The following SUPT16H variants were observed in gnomAD, a reference collection of about 807,000 sequenced individuals.
SUPT16H encodes FACT complex subunit SPT16.
Under a neutral mutation model 136.2 loss-of-function variants are expected in SUPT16H, and 24 were observed. That is an observed-to-expected ratio of 0.18 (90% CI 0.13 to 0.25). The LOEUF (loss-of-function observed/expected upper bound fraction) is 0.25. SUPT16H is among the 10% of genes least tolerant of loss of function. The pLI is 1.00. For missense variants in SUPT16H, 623 were observed against 1,270.2 expected (o/e 0.49, Z 7.74); for synonymous variants, 415 against 428.2 (o/e 0.97, Z 0.38).
intron 22 of SUPT16H, among the ~76,000 whole-genome samples, chr14:21,355,276 C>T (rs531545267): frequency 3.3e-5 from 5 of 152,122 alleles, no homozygotes; most frequent in African/African-American, 1.2e-4. Flanking sequence ...AGGCGGATCA[C>T]GAGGTCAGGA....
At chr14:21,382,480 T>C (rs1015016621) in intron 1 of SUPT16H, among the ~76,000 whole-genome samples, 20 of 152,232 alleles carry the variant, frequency 1.3e-4, no homozygotes, top group African/African-American at 4.8e-4. Flanking sequence ...TTAGTTTTCA[T>C]GAATGGTATA....
intron 8 of SUPT16H, among the ~76,000 whole-genome samples, chr14:21,366,147 C>T (rs2146062): frequency 0.89 from 134,967 of 152,188 alleles, 60,083 homozygotes; most frequent in Middle Eastern, 0.94. Context: ...CAAATGTGCA[C>T]GGAGAGAGGA....
chr14:21,369,956 T>C, intron 4 of SUPT16H, 60 bp from the exon 5 acceptor site: 1 of 1,579,018 alleles, frequency 6.3e-7, no homozygotes, highest in South Asian at 1.1e-5. Flanking sequence ...AATAAATGCA[T>C]CTCTCCAATT....
chr14:21,383,796 G>A (rs769885230), intron 1 of SUPT16H, 66 bp downstream of exon 1: 2 of 1,581,868 alleles, frequency 1.3e-6, no homozygotes, highest in Admixed American at 1.7e-5. Flanking sequence ...AAAGGGCGCC[G>A]AGAAACAGGG....
At position 21,366,483 on chromosome 14, in the gene SUPT16H, T is replaced by C; in HGVS notation, c.1002A>G (p.Lys334=). Residue 334 remains lysine (K), a synonymous_variant, in exon 8 of 26, where the codon AAA becomes AAG. Coordinates refer to ENST00000216297, the MANE Select transcript of SUPT16H (RefSeq NM_007192.4). ...DVYNAVMDVV[K]KQKPELLNKI... ...TGTTCAGCAGTTCTGGCTTCTGCTT[T>C]TTAACCACGTCCATGACAGCGTTAT... 1 of 1,614,156 alleles carries C rather than the reference T, an allele frequency of 6.2e-7. No homozygotes were observed. Among genetic ancestry groups the C allele is most frequent in the Non-Finnish European group, 8.5e-7 (1 of 1,180,024 alleles).
Position 21,360,466 on chromosome 14 carries a change from C to G in SUPT16H, c.2124G>C (p.Leu708Phe), listed in dbSNP as rs147874876. ...DILYNNIKHA[L>F]FQPCDGEMII... is the part of the protein sequence containing the mutation. Reference sequence around the variant, plus strand: ...TCATTTCTCCATCACAGGGCTGGAACAAAGCATGCTTAATATTATTGTACA... The same window carrying G: ...TCATTTCTCCATCACAGGGCTGGAAGAAAGCATGCTTAATATTATTGTACA... The change falls in exon 18 of 26, where the codon TTG becomes TTC. Residue 708 changes from leucine (L) to phenylalanine (F), a missense_variant. Around this residue, in one of 7 missense-constraint regions of SUPT16H, gnomAD observed 21 missense variants for 140.3 expected, o/e 0.15. Coordinates refer to ENST00000216297, the MANE Select transcript of SUPT16H (RefSeq NM_007192.4). 6.2e-7 allele frequency: 1 copy of G among 1,614,164 alleles called. No homozygotes were observed. The highest frequency in any genetic ancestry group is 1.1e-5 in the South Asian group (1 of 91,080).
At chr14:21,358,245 A>T in intron 20 of SUPT16H, 70 bp downstream of exon 20, 1 of 974,076 alleles carries the variant, frequency 1.0e-6, no homozygotes, top group Non-Finnish European at 1.6e-6. Flanking sequence ...AATTATTATT[A>T]AAGGAAGAAT....
rs755461010 is a variant in SUPT16H at position 21,365,759 on chromosome 14, C to CAAACCAAAACCA, written c.1047-628_1047-617dup. On this transcript the variant is annotated intron_variant, in intron 8 of 25. Coordinates refer to ENST00000216297, the MANE Select transcript of SUPT16H (RefSeq NM_007192.4). ...TGAGAAATACACTGGATTGAATAAA[C>CAAACCAAAACCA]AAACCAAAACCAAAACCAAAACCAA... Among the ~76,000 whole-genome samples, 245 of 151,568 alleles carry CAAACCAAAACCA rather than the reference C, an allele frequency of 1.6e-3. 1 individual carries two copies. The highest frequency in any genetic ancestry group is 5.7e-3 in the African/African-American group (234 of 41,164).
chr14:21,371,671 T>G (rs1276341975), intron 3 of SUPT16H, among the ~76,000 whole-genome samples: 1 of 152,224 alleles, frequency 6.6e-6, no homozygotes, highest in African/African-American at 2.4e-5. Flanking sequence ...CAGAATTTCA[T>G]AGCTCATTTG....
chr14:21,352,491 C>G lies in SUPT16H; in HGVS notation c.*182G>C. On this transcript the variant is annotated 3_prime_UTR_variant, in exon 26 of 26. Coordinates refer to ENST00000216297, the MANE Select transcript of SUPT16H (RefSeq NM_007192.4). ...TGCCATCTGAATGGGGCCATTGGCA[C>G]GTGTCCTGGTGGGCCTGGAATTCCC... The G allele has an allele frequency of 1.1e-6, 1 of 913,528 alleles. No individual in the cohort carries two copies. The highest frequency in any genetic ancestry group is 1.7e-6 in the Non-Finnish European group (1 of 603,236). The allele number at this position is 913,528 out of a possible 1,614,324, so 56.6% of individuals were successfully genotyped here.
At position 21,363,308 on chromosome 14, in the gene SUPT16H, C is replaced by T. The variant is rs2139403385; in HGVS notation, c.1320G>A (p.Glu440=). 6.2e-7 allele frequency: 1 copy of T among 1,610,006 alleles called. No homozygotes were observed. The highest frequency in any genetic ancestry group is 2.2e-5 in the East Asian group (1 of 44,658). The change falls in exon 12 of 26, where the codon GAG becomes GAA. Residue 440 remains glutamate (E), a synonymous_variant. Coordinates refer to ENST00000216297, the MANE Select transcript of SUPT16H (RefSeq NM_007192.4). ...IFLKNEDEEE[E]EEEKDEAEDL... The stretch of plus-strand genomic sequence containing the variant: ...CCTCTGCCTCATCTTTCTCCTCCTC[C>T]TCTTCTTCCTCATCTTCATTCTATG...
At chr14:21,369,405 C>A (rs181689316) in intron 5 of SUPT16H, 50 bp from the exon 6 acceptor site, 1 of 1,608,760 alleles carries the variant, frequency 6.2e-7, no homozygotes, top group South Asian at 1.1e-5. Context: ...GGTAGCAAAG[C>A]GGGGTGTGTG....
rs143947393 is a variant in SUPT16H at position 21,356,416 on chromosome 14, T to C, written c.2660+781A>G. On this transcript the variant is annotated intron_variant, in intron 22 of 25. Transcript: ENST00000216297. ...ACAATCCACAGGGCATCAGGCAGAC[T>C]CTGAAGAGTATTGCCTCGTAGTAAG... is the stretch of plus-strand genomic sequence containing the variant. 5.3e-5 allele frequency among the ~76,000 whole-genome samples: 8 copies of C among 152,306 alleles called. No homozygotes were observed. In the East Asian group the frequency reaches 1.5e-3, roughly 29 times the overall value.
Position 21,359,473 on chromosome 14 carries a change from A to G in SUPT16H, c.2301+11T>C. The stretch of plus-strand genomic sequence containing the variant: ...CACTATCCTGCAAATACAATACTAA[A>G]TTTCACAAACCTGCTCAGCATAGAG... On this transcript the variant is annotated intron_variant, in intron 19 of 25. Coordinates refer to ENST00000216297, the MANE Select transcript of SUPT16H (RefSeq NM_007192.4). The G allele has an allele frequency of 6.2e-7, 1 of 1,611,582 alleles. No homozygotes were observed. The highest frequency in any genetic ancestry group is 8.5e-7 in the Non-Finnish European group (1 of 1,179,516).
chr14:21,382,668 A>G (rs1887056028), intron 1 of SUPT16H, among the ~76,000 whole-genome samples: 1 of 47,514 alleles, frequency 2.1e-5, no homozygotes, highest in Non-Finnish European at 8.4e-5. Context: ...TTATGTTTGA[A>G]TAATATGACA....
intron 19 of SUPT16H, 75 bp from the exon 20 acceptor site, chr14:21,358,502 T>A: frequency 9.7e-7 from 1 of 1,034,586 alleles, no homozygotes; most frequent in Non-Finnish European, 1.4e-6. Flanking sequence ...TCTGAAGTGC[T>A]TTTGTGCTTT....
intron 7 of SUPT16H, among the ~76,000 whole-genome samples, chr14:21,367,560 G>C (rs112445880): frequency 9.2e-5 from 14 of 152,344 alleles, no homozygotes; most frequent in African/African-American, 3.1e-4. Flanking sequence ...GACCGACTTA[G>C]AGATAATGTG....
Position 21,363,228 on chromosome 14 carries a change from C to T in SUPT16H, c.1395+5G>A. 6.2e-7 allele frequency: 1 copy of T among 1,614,136 alleles called. No individual in the cohort carries two copies. The highest frequency in any genetic ancestry group is 8.5e-7 in the Non-Finnish European group (1 of 1,180,030). On this transcript the variant is annotated splice_donor_5th_base_variant and intron_variant, in intron 12 of 25. Transcript: ENST00000216297. ...GATCAATGTAATTTAAAATAGTAAA[C>T]TTACTCTTGTTCTTTCTGTAAGTAA...
Position 21,355,857 on chromosome 14 carries a change from A to C in SUPT16H, c.2661-1317T>G, listed in dbSNP as rs190940076. On this transcript the variant is annotated intron_variant, in intron 22 of 25. Transcript: ENST00000216297. ...TCCACTTTAGACAATATACACGGCA[A>C]CTTCTGCTTCCAGCCATGATGGAGT... is the stretch of plus-strand genomic sequence containing the variant. Among the ~76,000 whole-genome samples the C allele has an allele frequency of 2.7e-4, 41 of 152,338 alleles. No homozygotes were observed. The East Asian group carries it at 7.5e-3, about 28-fold the overall frequency.
Sources: gnomAD v4.1 joint callset for allele counts (sites outside exome capture counted in the v4.1 genomes callset) on GRCh38, gnomAD v4.1.1 for gene constraint, gnomAD v4.1.1 regional missense constraint, MANE v1.5 for transcripts, NCBI Gene and HGNC (gene_info 2026-07-23, HGNC 2026-07-21) for gene names.